Variants in NEDD4 observed in about 807,000 individuals in gnomAD.
NEDD4 encodes E3 ubiquitin-protein ligase NEDD4.
A neutral mutation model predicts 144.9 loss-of-function variants in NEDD4; 99 were observed. That is an observed-to-expected ratio of 0.68 (90% CI 0.58 to 0.81). NEDD4 has a LOEUF of 0.81. Among genes scored for constraint, NEDD4 ranks in the 30% least tolerant of loss-of-function variants. The pLI is 0.00. For missense variants in NEDD4, 985 were observed against 1,065.9 expected (o/e 0.92, Z 1.06); for synonymous variants, 318 against 350.6 (o/e 0.91, Z 1.04).
At chr15:55,890,437 T>A (rs576657280) in intron 5 of NEDD4, among the ~76,000 whole-genome samples, 1 of 152,312 alleles carries the variant, frequency 6.6e-6, no homozygotes, top group East Asian at 1.9e-4. Context: ...ATATTTCATA[T>A]AAGTGGAATT....
At chr15:55,951,328 G>T in intron 4 of NEDD4, 48 bp downstream of exon 4, 1 of 768,548 alleles carries the variant, frequency 1.3e-6, no homozygotes, top group Non-Finnish European at 2.0e-6. Context: ...AACCTCCTAA[G>T]AAAAAAACTT....
In NEDD4 at chr15:55,962,743, C is replaced by T. The variant is rs567318831; in HGVS notation, c.119+3730G>A. Among the ~76,000 whole-genome samples the T allele has an allele frequency of 1.4e-4, 21 of 152,110 alleles. No homozygotes were observed. The East Asian group carries it at 4.1e-3, about 29-fold the overall frequency. Reference sequence around the variant, plus strand: ...ACAAGGGTGAGCCACCGCACCCAGCCTCTTTTACTTTTTTTGTTCATTTGT... The same window carrying T: ...ACAAGGGTGAGCCACCGCACCCAGCTTCTTTTACTTTTTTTGTTCATTTGT... On this transcript the variant is annotated intron_variant, in intron 2 of 28. Transcript: ENST00000435532.
chr15:55,856,987 G>T (rs769530889), intron 11 of NEDD4, among the ~76,000 whole-genome samples: 1 of 152,116 alleles, frequency 6.6e-6, no homozygotes, highest in Non-Finnish European at 1.5e-5. Flanking sequence ...ATGCCTTAAG[G>T]GTTACTTGTA....
At chr15:55,974,608 G>A (rs2142344208) in intron 1 of NEDD4, among the ~76,000 whole-genome samples, 1 of 152,166 alleles carries the variant, frequency 6.6e-6, no homozygotes, top group East Asian at 1.9e-4. Flanking sequence ...TGAAAGGATG[G>A]TTCAACATAC....
chr15:55,835,827 C>T (rs967860879), intron 24 of NEDD4, among the ~76,000 whole-genome samples: 3 of 152,188 alleles, frequency 2.0e-5, no homozygotes, highest in Non-Finnish European at 4.4e-5. Context: ...CTAACTTGCT[C>T]TACATAGCAC....
chr15:55,869,359 TCTCTA>T (rs1269803992), intron 8 of NEDD4, among the ~76,000 whole-genome samples: 2 of 152,232 alleles, frequency 1.3e-5, no homozygotes, highest in Non-Finnish European at 2.9e-5. Flanking sequence ...TATATTCTAT[TCTCTA>T]CTCCTTAACC....
At chr15:55,916,632 T>C in intron 5 of NEDD4, 1 of 1,614,042 alleles carries the variant, frequency 6.2e-7, no homozygotes, top group East Asian at 2.2e-5. Flanking sequence ...TTCTTGAGAC[T>C]GAACGTTTTC....
At chr15:55,915,335 T>C (rs368172394) in intron 5 of NEDD4, 149 of 1,610,168 alleles carry the variant, frequency 9.3e-5, no homozygotes, top group Non-Finnish European at 1.1e-4. Flanking sequence ...TGTCTCTTGA[T>C]AAATTATCCA....
chr15:55,915,986 T>C (rs775997366), intron 5 of NEDD4: 1 of 1,613,786 alleles, frequency 6.2e-7, no homozygotes, highest in South Asian at 1.1e-5. Context: ...TACACAGACT[T>C]GTTGGAGAAG....
intron 5 of NEDD4, chr15:55,915,474 A>C: frequency 6.2e-7 from 1 of 1,613,806 alleles, no homozygotes; most frequent in Non-Finnish European, 8.5e-7. Context: ...ACTTCTTCGT[A>C]AAATACCATG....
At chr15:55,831,107 A>G (rs1266962248) in intron 27 of NEDD4, among the ~76,000 whole-genome samples, 1 of 152,042 alleles carries the variant, frequency 6.6e-6, no homozygotes, top group Non-Finnish European at 1.5e-5. Flanking sequence ...TTTACTAGAC[A>G]TGGGGTTTCA....
chr15:55,858,504 C>T (rs866492492), intron 11 of NEDD4, among the ~76,000 whole-genome samples: 6 of 152,058 alleles, frequency 3.9e-5, no homozygotes, highest in East Asian at 3.9e-4. Flanking sequence ...GACAAGGTTT[C>T]GCCATGTTGC....
intron 4 of NEDD4, among the ~76,000 whole-genome samples, chr15:55,945,995 A>G (rs1480327254): frequency 6.6e-6 from 1 of 152,180 alleles, no homozygotes; most frequent in Non-Finnish European, 1.5e-5. Flanking sequence ...ACAAGAGCTC[A>G]TGAAGGAAGC....
At chr15:55,930,779 T>G (rs2036764253) in intron 4 of NEDD4, among the ~76,000 whole-genome samples, 1 of 151,736 alleles carries the variant, frequency 6.6e-6, no homozygotes, top group Admixed American at 6.6e-5. Flanking sequence ...AAAATGGGAG[T>G]TTCCCTGCAC....
intron 2 of NEDD4, among the ~76,000 whole-genome samples, chr15:55,956,283 G>C (rs896521079): frequency 3.3e-5 from 5 of 152,142 alleles, no homozygotes; most frequent in South Asian, 2.1e-4. Context: ...CCGTAACCTT[G>C]TTTCTTAAAG....
At chr15:55,844,584 T>A (rs1033389935) in intron 18 of NEDD4, among the ~76,000 whole-genome samples, 1 of 152,146 alleles carries the variant, frequency 6.6e-6, no homozygotes, top group African/African-American at 2.4e-5. Context: ...TTTGGGCAGG[T>A]TACATGTCTT....
At chr15:55,839,955 C>G (rs1431429643) in intron 21 of NEDD4, among the ~76,000 whole-genome samples, 1 of 106,092 alleles carries the variant, frequency 9.4e-6, no homozygotes, top group African/African-American at 3.9e-5. Context: ...AGCTTGGCAA[C>G]AGAGTGACAC....
At chr15:55,959,685 T>C (rs1158657308) in intron 2 of NEDD4, among the ~76,000 whole-genome samples, 2 of 152,206 alleles carry the variant, frequency 1.3e-5, no homozygotes, top group African/African-American at 4.8e-5. Context: ...TTGCTAGCTT[T>C]GAAGAAGCAA....
intron 8 of NEDD4, among the ~76,000 whole-genome samples, chr15:55,865,310 C>T (rs1191363639): frequency 1.3e-5 from 2 of 150,328 alleles, no homozygotes; most frequent in Admixed American, 1.3e-4. Context: ...TTGGAAAAAA[C>T]TTCACTTGAA....
Sources: gnomAD v4.1 joint callset for allele counts (sites outside exome capture counted in the v4.1 genomes callset) on GRCh38, gnomAD v4.1.1 for gene constraint, MANE v1.5 for transcripts, NCBI Gene and HGNC (gene_info 2026-07-23, HGNC 2026-07-21) for gene names.